The following GRM5 variants were observed in gnomAD, a reference collection of about 807,000 sequenced individuals.
GRM5 encodes the protein glutamate metabotropic receptor 5, also known as metabotropic glutamate receptor 5.
In GRM5, 19 loss-of-function variants were observed where a neutral mutation model predicts 83.1. The ratio of observed to expected loss-of-function variants is 0.23; its 90% confidence interval spans 0.16 to 0.34. The LOEUF (loss-of-function observed/expected upper bound fraction) is 0.34. Among genes scored for constraint, GRM5 ranks in the 10% least tolerant of loss-of-function variants. The pLI is 1.00. For synonymous variants in GRM5, 675 were observed against 633.6 expected, an observed-to-expected ratio of 1.07 and a Z score of -0.98; for missense variants, 1,160 against 1,588.3, an observed-to-expected ratio of 0.73 and a Z score of 4.58.
At chr11:89,054,354 C>T (rs1328287122) in intron 1 of GRM5, among the ~76,000 whole-genome samples, 1 of 152,076 alleles carries the variant, frequency 6.6e-6, no homozygotes, top group African/African-American at 2.4e-5. Flanking sequence ...AGAGTCGCAT[C>T]GGCTGTGGTG....
At chr11:88,829,197 A>C (rs899832477) in intron 3 of GRM5, among the ~76,000 whole-genome samples, 18 of 152,198 alleles carry the variant, frequency 1.2e-4, no homozygotes. Context: ...TTGGTGGCTC[A>C]TGCCTATAAT....
chr11:88,854,215 T>A (rs1944434623), intron 2 of GRM5, among the ~76,000 whole-genome samples: 1 of 151,806 alleles, frequency 6.6e-6, no homozygotes, highest in South Asian at 2.1e-4. Flanking sequence ...ACATGTTGAA[T>A]AAAGAAATAA....
At chr11:89,007,781 T>C (rs1455929965) in intron 2 of GRM5, among the ~76,000 whole-genome samples, 8 of 152,204 alleles carry the variant, frequency 5.3e-5, no homozygotes, top group African/African-American at 1.7e-4. Flanking sequence ...AAGACTCTTA[T>C]GAAATCAAGG....
intron 2 of GRM5, among the ~76,000 whole-genome samples, chr11:88,862,541 T>C (rs1305469860): frequency 6.6e-6 from 1 of 152,162 alleles, no homozygotes; most frequent in Admixed American, 6.6e-5. Flanking sequence ...ATGGTGCCAA[T>C]AGTTGCATTA....
chr11:88,564,067 C>T (rs1346213931), intron 8 of GRM5, among the ~76,000 whole-genome samples: 2 of 152,104 alleles, frequency 1.3e-5, no homozygotes, highest in Non-Finnish European at 2.9e-5. Context: ...TTTCCCTGCC[C>T]CTTTTTCTTA....
At chr11:88,747,431 G>T (rs1247945895) in intron 3 of GRM5, among the ~76,000 whole-genome samples, 2 of 152,142 alleles carry the variant, frequency 1.3e-5, no homozygotes, top group Admixed American at 1.3e-4. Context: ...TTATGTTCCT[G>T]TTAAACTACC....
Position 89,002,119 on chromosome 11 carries a change from A to G in GRM5, c.661+45093T>C, listed in dbSNP as rs188045864. Among the ~76,000 whole-genome samples, 1,424 of 152,260 alleles carry G rather than the reference A, an allele frequency of 9.4e-3. 17 individuals carry two copies. The highest frequency in any genetic ancestry group is 0.047 in the South Asian group (228 of 4,830). ...TCATATTGTCTTCTAAGATTCTTGG[A>G]TTGAACATATTTCTATTTTAAGTTT... On this transcript the variant is annotated intron_variant, in intron 2 of 9. Coordinates refer to ENST00000305447, the MANE Select transcript of GRM5 (RefSeq NM_001143831.3).
At chr11:88,645,879 T>A (rs533714435) in intron 4 of GRM5, among the ~76,000 whole-genome samples, 1 of 152,226 alleles carries the variant, frequency 6.6e-6, no homozygotes, top group South Asian at 2.1e-4. Context: ...ACCAGTTGGC[T>A]ATGCGGATGG....
At chr11:88,889,293 C>A (rs2135582747) in intron 2 of GRM5, among the ~76,000 whole-genome samples, 1 of 152,080 alleles carries the variant, frequency 6.6e-6, no homozygotes, top group East Asian at 1.9e-4. Flanking sequence ...AACTGTAAAC[C>A]AGGTGCCTCC....
chr11:88,848,038 G>A (rs537670119), intron 3 of GRM5, among the ~76,000 whole-genome samples: 90 of 152,248 alleles, frequency 5.9e-4, no homozygotes, highest in Admixed American at 3.9e-4. Flanking sequence ...GATAGGAATC[G>A]TGGAATTCTT....
intron 4 of GRM5, among the ~76,000 whole-genome samples, chr11:88,611,279 T>C (rs145185472): frequency 6.6e-6 from 1 of 152,250 alleles, no homozygotes; most frequent in East Asian, 1.9e-4. Flanking sequence ...GGAATAATTT[T>C]AATAGGACTG....
chr11:88,843,380 ATCCG>A (rs200315006), intron 3 of GRM5, among the ~76,000 whole-genome samples: 5,174 of 152,178 alleles, frequency 0.034, 238 homozygotes, highest in Admixed American at 0.15. Context: ...TAATAAACGT[ATCCG>A]TCACCTCAGA....
chr11:88,612,612 C>T (rs1405570895), intron 4 of GRM5, among the ~76,000 whole-genome samples: 1 of 152,064 alleles, frequency 6.6e-6, no homozygotes, highest in Non-Finnish European at 1.5e-5. Flanking sequence ...TATTTCTCCA[C>T]ATCCTCTCCA....
At chr11:88,666,897 A>T (rs72643306) in intron 3 of GRM5, among the ~76,000 whole-genome samples, 1 of 152,186 alleles carries the variant, frequency 6.6e-6, no homozygotes, top group Non-Finnish European at 1.5e-5. Flanking sequence ...AAATGGACAG[A>T]CATATAAAGC....
intron 1 of GRM5, among the ~76,000 whole-genome samples, chr11:89,065,262 G>T (rs1942076294): frequency 6.7e-6 from 1 of 149,380 alleles, no homozygotes; most frequent in Non-Finnish European, 1.5e-5. Flanking sequence ...CTAAATCCTT[G>T]CCTTTCGTGC....
chr11:88,934,986 G>A (rs1336436856), intron 2 of GRM5, among the ~76,000 whole-genome samples: 1 of 151,852 alleles, frequency 6.6e-6, no homozygotes, highest in South Asian at 2.1e-4. Context: ...CCTACTGTGG[G>A]CCTATTATAT....
Position 89,026,302 on chromosome 11 carries a change from CT to C in GRM5, c.661+20909del, listed in dbSNP as rs954774150. On this transcript the variant is annotated intron_variant, in intron 2 of 9. Transcript: ENST00000305447. ...TGTAACAAACCTGCACATGTACCCCCTGAACCTAAAGTAAAACTTAAGGGGA... is the reference window on the plus strand; with the variant it reads ...TGTAACAAACCTGCACATGTACCCCCGAACCTAAAGTAAAACTTAAGGGGA... Among the ~76,000 whole-genome samples the C allele has an allele frequency of 7.2e-5, 11 of 152,220 alleles. No homozygotes were observed. The East Asian group carries it at 9.7e-4, about 13-fold the overall frequency.
At chr11:88,764,319 A>G (rs1942584611) in intron 3 of GRM5, among the ~76,000 whole-genome samples, 1 of 151,672 alleles carries the variant, frequency 6.6e-6, no homozygotes, top group Admixed American at 6.6e-5. Context: ...AAGATAAGGA[A>G]GGAAATAAAG....
chr11:88,647,804 C>A (rs1939505678), intron 4 of GRM5, among the ~76,000 whole-genome samples: 1 of 152,006 alleles, frequency 6.6e-6, no homozygotes, highest in African/African-American at 2.4e-5. Flanking sequence ...AACAAATTTA[C>A]AAGGAAAAAA....
Sources: gnomAD v4.1 joint callset for allele counts (sites outside exome capture counted in the v4.1 genomes callset) on GRCh38, gnomAD v4.1.1 for gene constraint, MANE v1.5 for transcripts, NCBI Gene and HGNC (gene_info 2026-07-23, HGNC 2026-07-21) for gene names.